The following HS6ST3 variants were observed in gnomAD, a reference collection of about 807,000 sequenced individuals.
HS6ST3 encodes the protein heparan-sulfate 6-O-sulfotransferase 3.
A neutral mutation model predicts 36.7 loss-of-function variants in HS6ST3; 12 were observed. The ratio of observed to expected loss-of-function variants is 0.33; its 90% CI spans 0.21 to 0.53. The LOEUF is 0.53. HS6ST3 is among the 20% of genes least tolerant of loss of function. The probability of loss-of-function intolerance (pLI) is 0.95; values close to 1 mark genes in which losing one functional copy is unlikely to be tolerated. For missense variants in HS6ST3, 584 were observed against 640.9 expected (o/e 0.91, Z 0.96); for synonymous variants, 240 against 257.5 (o/e 0.93, Z 0.65).
At chr13:96,317,352 AT>A (rs1311453988) in intron 1 of HS6ST3, among the ~76,000 whole-genome samples, 27,271 of 70,860 alleles carry the variant, frequency 0.38, 4,058 homozygotes, top group Non-Finnish European at 0.44. Context: ...ATATATATAT[AT>A]ATATATATAT....
At chr13:96,151,716 A>G (rs1238324435) in intron 1 of HS6ST3, among the ~76,000 whole-genome samples, 1 of 152,192 alleles carries the variant, frequency 6.6e-6, no homozygotes, top group East Asian at 1.9e-4. Flanking sequence ...TGAAACGTGT[A>G]TGAAAGCATC....
intron 1 of HS6ST3, among the ~76,000 whole-genome samples, chr13:96,825,578 C>T (rs1390867710): frequency 6.6e-6 from 1 of 152,148 alleles, no homozygotes; most frequent in Non-Finnish European, 1.5e-5. Flanking sequence ...TGAATGTCTC[C>T]TGTGATCTCT....
chr13:96,503,842 C>T (rs923693506), intron 1 of HS6ST3, among the ~76,000 whole-genome samples: 3 of 152,172 alleles, frequency 2.0e-5, no homozygotes, highest in Non-Finnish European at 2.9e-5. Flanking sequence ...AAACAACAAA[C>T]ATTTATTTCT....
intron 1 of HS6ST3, among the ~76,000 whole-genome samples, chr13:96,303,741 G>C (rs1454524338): frequency 6.6e-6 from 1 of 152,186 alleles, no homozygotes; most frequent in Admixed American, 6.5e-5. Context: ...AGAATTGAGT[G>C]AGAGTTTTGC....
intron 1 of HS6ST3, among the ~76,000 whole-genome samples, chr13:96,116,051 A>G (rs1317534942): frequency 6.6e-6 from 1 of 152,122 alleles, no homozygotes; most frequent in Non-Finnish European, 1.5e-5. Flanking sequence ...GTCTTCTTTT[A>G]AAAGTGGTGT....
intron 1 of HS6ST3, among the ~76,000 whole-genome samples, chr13:96,464,863 A>G (rs2055804077): frequency 6.6e-6 from 1 of 152,022 alleles, no homozygotes; most frequent in Non-Finnish European, 1.5e-5. Context: ...GAAGCTTCTT[A>G]TATTTTGATT....
chr13:96,245,213 C>CATATTGAGTTTGA (rs2054579074), intron 1 of HS6ST3, among the ~76,000 whole-genome samples: 1 of 152,138 alleles, frequency 6.6e-6, no homozygotes, highest in South Asian at 2.1e-4. Flanking sequence ...CCTCTGTCAT[C>CATATTGAGTTTGA]ATATTGAGTT....
In HS6ST3 at chr13:96,652,212, TATA is replaced by T. The variant is rs2056609908; in HGVS notation, c.708-180275_708-180273del. On this transcript the variant is annotated intron_variant, in intron 1 of 1. Transcript: ENST00000376705. ...ACTGTATTAAAACTCTACCATTATATATAATTTCTGTAGCTATATACACACATA... is the reference window on the plus strand; with the variant it reads ...ACTGTATTAAAACTCTACCATTATATATTTCTGTAGCTATATACACACATA... Among the ~76,000 whole-genome samples the T allele has an allele frequency of 1.3e-5, 2 of 152,084 alleles. 1 individual carries two copies. The highest frequency in any genetic ancestry group is 4.1e-4 in the South Asian group (2 of 4,828).
chr13:96,198,893 C>T (rs1455407501), intron 1 of HS6ST3, among the ~76,000 whole-genome samples: 2 of 152,206 alleles, frequency 1.3e-5, no homozygotes, highest in Non-Finnish European at 2.9e-5. Flanking sequence ...ATGCCCCACT[C>T]TCCTGGTACC....
chr13:96,475,391 C>A (rs1039226371), intron 1 of HS6ST3, among the ~76,000 whole-genome samples: 3 of 152,018 alleles, frequency 2.0e-5, no homozygotes, highest in African/African-American at 7.2e-5. Context: ...GCACATTTTC[C>A]TGAAGGCTTT....
chr13:96,419,548 T>C (rs1307456477), intron 1 of HS6ST3, among the ~76,000 whole-genome samples: 1 of 151,876 alleles, frequency 6.6e-6, no homozygotes, highest in East Asian at 1.9e-4. Flanking sequence ...TATAAAAGAG[T>C]ATATTTGTTT....
At chr13:96,192,951 C>T (rs1376746704) in intron 1 of HS6ST3, among the ~76,000 whole-genome samples, 1 of 152,094 alleles carries the variant, frequency 6.6e-6, no homozygotes, top group South Asian at 2.1e-4. Flanking sequence ...AGTATTATTG[C>T]AGTCAAGAGT....
At chr13:96,437,598 G>A (rs1388954158) in intron 1 of HS6ST3, among the ~76,000 whole-genome samples, 1 of 152,140 alleles carries the variant, frequency 6.6e-6, no homozygotes, top group Non-Finnish European at 1.5e-5. Flanking sequence ...GATGATATGG[G>A]GTAAAAACAA....
At chr13:96,539,536 T>C (rs374759398) in intron 1 of HS6ST3, among the ~76,000 whole-genome samples, 5 of 152,220 alleles carry the variant, frequency 3.3e-5, no homozygotes, top group African/African-American at 4.8e-5. Context: ...TTTGTATTTT[T>C]AGTAGAGACA....
In HS6ST3 at chr13:96,833,220, A is replaced by C; in HGVS notation, c.*22A>C. The C allele has an allele frequency of 1.3e-6, 2 of 1,488,450 alleles. No individual in the cohort carries two copies. Among genetic ancestry groups the C allele is most frequent in the Non-Finnish European group, 1.8e-6 (2 of 1,124,706 alleles). The allele number at this position is 1,488,450 out of a possible 1,614,324, so 92.2% of individuals were successfully genotyped here. A position where few individuals can be genotyped will look rare whatever the true frequency, so the allele number is the denominator to read the frequency against. On this transcript the variant is annotated 3_prime_UTR_variant, in exon 2 of 2. Coordinates refer to ENST00000376705, the MANE Select transcript of HS6ST3 (RefSeq NM_153456.4). ...GTGACCTCCTGCCCTCTCCTCTCTC[A>C]GGAGGGGGAGGGTGAGCAGGCACAT...
At chr13:96,290,723 C>A (rs1278697121) in intron 1 of HS6ST3, among the ~76,000 whole-genome samples, 1 of 152,192 alleles carries the variant, frequency 6.6e-6, no homozygotes, top group Non-Finnish European at 1.5e-5. Context: ...CACTTCATTC[C>A]TTGGCTCAGA....
Position 96,612,937 on chromosome 13 carries a change from C to T in HS6ST3, c.708-219553C>T, listed in dbSNP as rs2056461469. 1.3e-5 allele frequency among the ~76,000 whole-genome samples: 2 copies of T among 152,254 alleles called. 1 individual carries two copies. The highest frequency in any genetic ancestry group is 6.8e-3 in the Middle Eastern group (2 of 294). ...CCCCTGGTTTCTTCAACACTCTGAG[C>T]AACCTTCTTCCTCAGAGCCTTTTCA... On this transcript the variant is annotated intron_variant, in intron 1 of 1. Coordinates refer to ENST00000376705, the MANE Select transcript of HS6ST3 (RefSeq NM_153456.4).
At chr13:96,395,592 G>A (rs116780826) in intron 1 of HS6ST3, among the ~76,000 whole-genome samples, 17 of 152,166 alleles carry the variant, frequency 1.1e-4, no homozygotes, top group African/African-American at 3.6e-4. Context: ...AGTAATTCTC[G>A]TTTCATGTGC....
At chr13:96,556,722 G>GT (rs545544078) in intron 1 of HS6ST3, among the ~76,000 whole-genome samples, 1 of 152,138 alleles carries the variant, frequency 6.6e-6, no homozygotes, top group African/African-American at 2.4e-5. Flanking sequence ...AGGTGAGGCA[G>GT]TTTTTATCCT....
Sources: gnomAD v4.1 joint callset for allele counts (sites outside exome capture counted in the v4.1 genomes callset) on GRCh38, gnomAD v4.1.1 for gene constraint, MANE v1.5 for transcripts, NCBI Gene and HGNC (gene_info 2026-07-23, HGNC 2026-07-21) for gene names.